The following DCDC1 variants were observed in gnomAD, a reference collection of about 807,000 sequenced individuals.
The protein encoded by DCDC1 is doublecortin domain-containing protein 1.
Under a neutral mutation model 178.3 loss-of-function variants are expected in DCDC1, and 200 were observed. The ratio of observed to expected loss-of-function variants is 1.12; its 90% confidence interval spans 1.00 to 1.26. The LOEUF is 1.26. DCDC1 is among the 50% of genes most tolerant of loss of function. The probability of loss-of-function intolerance (pLI) is 0.00; values close to 1 mark genes in which losing one functional copy is unlikely to be tolerated. For synonymous variants in DCDC1, 690 were observed against 604.8 expected (o/e 1.14, Z -2.07); for missense variants, 1,983 against 1,749.2 (o/e 1.13, Z -2.38).
chr11:31,280,967 G>A, intron 7 of DCDC1: 1 of 627,998 alleles, frequency 1.6e-6, no homozygotes, highest in Non-Finnish European at 3.0e-6. Flanking sequence ...AACTCTTCTT[G>A]CCTTTCTCAA....
chr11:30,967,354 T>G (rs935726401), intron 20 of DCDC1, among the ~76,000 whole-genome samples: 1 of 152,000 alleles, frequency 6.6e-6, no homozygotes, highest in Non-Finnish European at 1.5e-5. Flanking sequence ...TATTTTATTC[T>G]CTTTGAAGCA....
intron 20 of DCDC1, among the ~76,000 whole-genome samples, chr11:30,994,300 T>C (rs1240035015): frequency 6.6e-6 from 1 of 151,950 alleles, no homozygotes; most frequent in East Asian, 1.9e-4. Flanking sequence ...AATGAAACTT[T>C]TTTACCCATT....
intron 25 of DCDC1, among the ~76,000 whole-genome samples, chr11:30,918,357 T>C (rs1946009528): frequency 6.6e-6 from 1 of 152,198 alleles, no homozygotes; most frequent in African/African-American, 2.4e-5. Context: ...TTCACTCCTT[T>C]AATCAATATT....
At chr11:31,142,683 AT>A (rs1963973325) in intron 9 of DCDC1, among the ~76,000 whole-genome samples, 1 of 152,174 alleles carries the variant, frequency 6.6e-6, no homozygotes, top group Admixed American at 6.5e-5. Flanking sequence ...TGTTTTTTAA[AT>A]TCCTAAAATT....
intron 9 of DCDC1, among the ~76,000 whole-genome samples, chr11:31,208,993 A>G (rs12364868): frequency 0.26 from 40,079 of 152,028 alleles, 5,438 homozygotes; most frequent in African/African-American, 0.32. Flanking sequence ...CTTTAAGGCA[A>G]TAACTCAGCC....
chr11:31,193,902 T>C (rs938371317), intron 9 of DCDC1, among the ~76,000 whole-genome samples: 9 of 152,096 alleles, frequency 5.9e-5, no homozygotes, highest in Admixed American at 5.9e-4. Context: ...AGTACTCATG[T>C]CAATTCTTAA....
intron 1 of DCDC1, among the ~76,000 whole-genome samples, chr11:31,359,337 A>G (rs942104277): frequency 2.6e-5 from 4 of 151,688 alleles, no homozygotes; most frequent in Non-Finnish European, 5.9e-5. Flanking sequence ...CGCAAGAACA[A>G]AAAACCAAAC....
At chr11:31,027,082 C>T (rs1326929671) in intron 20 of DCDC1, among the ~76,000 whole-genome samples, 2 of 151,726 alleles carry the variant, frequency 1.3e-5, no homozygotes, top group Non-Finnish European at 3.0e-5. Flanking sequence ...AAACCAACAT[C>T]ATTTGCATCA....
intron 22 of DCDC1, among the ~76,000 whole-genome samples, chr11:30,930,609 T>C (rs1207610761): frequency 6.6e-6 from 1 of 152,156 alleles, no homozygotes; most frequent in Non-Finnish European, 1.5e-5. Flanking sequence ...TTGTCCAAAT[T>C]TACCATTTCA....
chr11:31,081,627 A>G (rs1482780932), intron 17 of DCDC1, among the ~76,000 whole-genome samples: 1 of 152,150 alleles, frequency 6.6e-6, no homozygotes, highest in Non-Finnish European at 1.5e-5. Flanking sequence ...AAAAGAAAAG[A>G]AAAGAAAAGA....
intron 9 of DCDC1, among the ~76,000 whole-genome samples, chr11:31,184,455 A>G (rs761157196): frequency 5.9e-5 from 9 of 152,176 alleles, no homozygotes; most frequent in Admixed American, 2.6e-4. Context: ...AATTAAACTA[A>G]AGAGCTTCTG....
At chr11:31,115,714 T>C (rs560780955) in intron 11 of DCDC1, among the ~76,000 whole-genome samples, 1 of 151,918 alleles carries the variant, frequency 6.6e-6, no homozygotes, top group South Asian at 2.1e-4. Context: ...CTGCAGGAAG[T>C]TTACTGGGAA....
At chr11:31,102,091 A>C (rs541201944) in intron 15 of DCDC1, 86 bp downstream of exon 15, 2 of 514,508 alleles carry the variant, frequency 3.9e-6, no homozygotes, top group Non-Finnish European at 7.1e-6. Flanking sequence ...AAAAAAAAAA[A>C]AAACTGTCAC....
At chr11:31,297,307 C>T (rs182977733) in intron 6 of DCDC1, among the ~76,000 whole-genome samples, 1 of 152,138 alleles carries the variant, frequency 6.6e-6, no homozygotes, top group African/African-American at 2.4e-5. Flanking sequence ...CAAACAAGAA[C>T]CCTAATGCCA....
intron 6 of DCDC1, among the ~76,000 whole-genome samples, chr11:31,292,620 A>G (rs1380246759): frequency 6.6e-6 from 1 of 152,136 alleles, no homozygotes; most frequent in African/African-American, 2.4e-5. Flanking sequence ...AGGAGAGGGG[A>G]TTGAAGAGAA....
intron 20 of DCDC1, among the ~76,000 whole-genome samples, chr11:31,058,280 A>C (rs1955714418): frequency 6.6e-6 from 1 of 152,092 alleles, no homozygotes. Flanking sequence ...TAATTCCATT[A>C]ATCATACCCC....
Position 30,915,719 on chromosome 11 carries a change from A to G in DCDC1, c.3453-8T>C, listed in dbSNP as rs780035626. On this transcript the variant is annotated splice_region_variant and splice_polypyrimidine_tract_variant and intron_variant, in intron 26 of 38. Coordinates refer to ENST00000684477, the MANE Select transcript of DCDC1 (RefSeq NM_001387274.1). ...CTATGCTTTGGTGAACAGCTGAGAT[A>G]AAGAAATCTCTATTAGTGGCAGAAA... The G allele has an allele frequency of 6.2e-7, 1 of 1,608,550 alleles. No homozygotes were observed. Among genetic ancestry groups the G allele is most frequent in the Non-Finnish European group, 8.5e-7 (1 of 1,177,172 alleles).
chr11:31,113,534 G>A (rs1018217006), intron 11 of DCDC1, among the ~76,000 whole-genome samples: 8 of 147,158 alleles, frequency 5.4e-5, no homozygotes, highest in Admixed American at 3.5e-4. Context: ...GTGAGAACAC[G>A]TGGTGTTTGG....
At chr11:31,141,613 G>T (rs1019780815) in intron 9 of DCDC1, among the ~76,000 whole-genome samples, 1 of 152,122 alleles carries the variant, frequency 6.6e-6, no homozygotes, top group Non-Finnish European at 1.5e-5. Context: ...TTTACATGCA[G>T]ATCAATATAG....
Sources: allele counts gnomAD v4.1 joint callset (sites outside exome capture counted in the v4.1 genomes callset), GRCh38; gene constraint gnomAD v4.1.1; transcripts MANE v1.5; gene names NCBI Gene and HGNC (gene_info 2026-07-23, HGNC 2026-07-21).